The following CCNB3 variants were observed in gnomAD, a reference collection of about 807,000 sequenced individuals.
The protein encoded by CCNB3 is G2/mitotic-specific cyclin-B3.
CCNB3 carries 12 observed loss-of-function variants against 68.0 expected under a neutral mutation model. The observed-to-expected ratio is 0.18, with a 90% CI of 0.11 to 0.29. The LOEUF is 0.29. CCNB3 is among the 10% of genes least tolerant of loss of function. CCNB3 has a pLI of 1.00. For synonymous variants in CCNB3, 354 were observed against 388.9 expected (o/e 0.91, Z 1.06); for missense variants, 904 against 993.1 (o/e 0.91, Z 1.21).
chrX:50,331,306 G>A (rs1016623899), intron 8 of CCNB3, among the ~76,000 whole-genome samples: 3 of 110,598 alleles, frequency 2.7e-5, no homozygotes, highest in Admixed American at 9.6e-5. Flanking sequence ...GTCCAGTCCC[G>A]GTGGGACTCC....
At chrX:50,326,471 G>A (rs1922302016) in intron 8 of CCNB3, among the ~76,000 whole-genome samples, 1 of 111,340 alleles carries the variant, frequency 9.0e-6, no homozygotes, top group Non-Finnish European at 1.9e-5. Flanking sequence ...CTCTTCGTGT[G>A]TGTATGTGTG....
At chrX:50,322,089 C>A (rs1602234457) in intron 8 of CCNB3, among the ~76,000 whole-genome samples, 2 of 76,317 alleles carry the variant, frequency 2.6e-5, no homozygotes, top group Admixed American at 1.8e-4. Flanking sequence ...TCATATGGAA[C>A]CAAAAAAAGA....
intron 9 of CCNB3, 113 bp downstream of exon 9, chrX:50,342,452 C>T: frequency 1.3e-6 from 1 of 743,090 alleles, no homozygotes; most frequent in Non-Finnish European, 1.9e-6. Context: ...ATGTTTTGGT[C>T]AATGATGGAC....
intron 1 of CCNB3, among the ~76,000 whole-genome samples, chrX:50,219,398 T>C (rs1190461897): frequency 9.0e-6 from 1 of 111,552 alleles, no homozygotes; most frequent in Non-Finnish European, 1.9e-5. Flanking sequence ...GTTTTTATGG[T>C]TTTAGGTCTT....
chrX:50,319,975 A>G (rs905726764), intron 8 of CCNB3, among the ~76,000 whole-genome samples: 11 of 110,407 alleles, frequency 1.0e-4, no homozygotes, highest in Admixed American at 4.8e-4. Context: ...TTGTCCTGGT[A>G]TATTTTTCTT....
intron 1 of CCNB3, among the ~76,000 whole-genome samples, chrX:50,280,298 A>T (rs1030404019): frequency 0.084 from 8,391 of 100,020 alleles, 477 homozygotes; most frequent in Admixed American, 0.22. Context: ...GAATATAGAT[A>T]TAAATATATA....
chrX:50,286,532 T>G (rs1936238212), intron 3 of CCNB3, among the ~76,000 whole-genome samples: 2 of 109,965 alleles, frequency 1.8e-5, no homozygotes, highest in Admixed American at 1.9e-4. Flanking sequence ...ACTCCTGACC[T>G]CGTGATCCAC....
chrX:50,287,830 A>G (rs190185678), intron 3 of CCNB3, among the ~76,000 whole-genome samples: 11 of 110,914 alleles, frequency 9.9e-5, no homozygotes, highest in Non-Finnish European at 1.7e-4. Flanking sequence ...ACTGTACAGC[A>G]GGAGGTGAGC....
At chrX:50,279,036 A>G (rs1301165425) in intron 1 of CCNB3, among the ~76,000 whole-genome samples, 11 of 58,155 alleles carry the variant, frequency 1.9e-4, no homozygotes, top group African/African-American at 6.8e-4. Context: ...ATATTTATAG[A>G]ATATAGATAT....
At chrX:50,226,800 T>C (rs1249436619) in intron 1 of CCNB3, among the ~76,000 whole-genome samples, 2 of 77,458 alleles carry the variant, frequency 2.6e-5, no homozygotes, top group Non-Finnish European at 4.6e-5. Context: ...ACATAGAATA[T>C]ATATATAGAG....
chrX:50,341,952 A>G (rs1253161344), intron 8 of CCNB3: 1 of 318,690 alleles, frequency 3.1e-6, no homozygotes, highest in Non-Finnish European at 5.5e-6. Context: ...TAGAGAAGGC[A>G]GAGCATTTCT....
chrX:50,339,328 T>C (rs1923007496), intron 8 of CCNB3, among the ~76,000 whole-genome samples: 1 of 112,188 alleles, frequency 8.9e-6, no homozygotes, highest in African/African-American at 3.2e-5. Context: ...CATAGGTAGA[T>C]AAGAGACAAA....
intron 8 of CCNB3, among the ~76,000 whole-genome samples, chrX:50,329,715 C>T (rs1922495132): frequency 8.9e-6 from 1 of 112,458 alleles, no homozygotes; most frequent in Non-Finnish European, 1.9e-5. Context: ...TCTCTCTAGC[C>T]AGTGGTTGTT....
intron 1 of CCNB3, among the ~76,000 whole-genome samples, chrX:50,279,435 T>TATATATATAAATATATAAATATATATAA: frequency 1.3e-5 from 1 of 74,795 alleles, no homozygotes; most frequent in East Asian, 3.6e-4. Context: ...TATATATAAA[T>TATATATATAAATATATAAATATATATAA]ATATATATAA....
intron 8 of CCNB3, among the ~76,000 whole-genome samples, chrX:50,318,681 A>T (rs1557216181): frequency 8.9e-6 from 1 of 111,994 alleles, no homozygotes; most frequent in Non-Finnish European, 1.9e-5. Flanking sequence ...AATAGGCCTG[A>T]TACTGCTATC....
chrX:50,305,819 G>A (rs1482797210), intron 5 of CCNB3, among the ~76,000 whole-genome samples: 5 of 86,001 alleles, frequency 5.8e-5, no homozygotes, highest in African/African-American at 2.3e-4. Context: ...CTCTGCCACC[G>A]AGGCTGGAGT....
In CCNB3 at chrX:50,347,650, C is replaced by G; in HGVS notation, c.3835C>G (p.Leu1279Val). 8.3e-7 allele frequency: 1 copy of G among 1,210,377 alleles called. No homozygotes were observed. Among genetic ancestry groups the G allele is most frequent in the Non-Finnish European group, 1.1e-6 (1 of 895,014 alleles). ...ARCIHTNMKT[L>V]TLSRYICEMT... Reference sequence around the variant, plus strand: ...GTGTATCCACACCAACATGAAGACACTGACCTTGTCCCGCTACATCTGCGA... The same window carrying G: ...GTGTATCCACACCAACATGAAGACAGTGACCTTGTCCCGCTACATCTGCGA... The change falls in exon 11 of 13, where the codon CTG (leucine) becomes GTG (valine). Residue 1279 changes from leucine to valine, a missense_variant. Physicochemically the swap from Leu to Val is conservative, Grantham distance 32. Around this residue, in one of 2 missense-constraint regions of CCNB3, gnomAD observed 285 missense variants for 383.4 expected, o/e 0.74. Transcript: ENST00000376042.
chrX:50,224,414 G>C (rs1935722163), intron 1 of CCNB3, among the ~76,000 whole-genome samples: 1 of 111,558 alleles, frequency 9.0e-6, no homozygotes, highest in South Asian at 3.7e-4. Flanking sequence ...TCTTTCCTCA[G>C]TGTCCTCTCT....
chrX:50,322,888 A>G (rs2147077926), intron 8 of CCNB3, among the ~76,000 whole-genome samples: 1 of 111,447 alleles, frequency 9.0e-6, no homozygotes, highest in East Asian at 2.8e-4. Context: ...CACACCAGTT[A>G]GAATGGCGAT....
Sources: gnomAD v4.1 joint callset for allele counts (sites outside exome capture counted in the v4.1 genomes callset) on GRCh38, gnomAD v4.1.1 for gene constraint, gnomAD v4.1.1 regional missense constraint, MANE v1.5 for transcripts, NCBI Gene and HGNC (gene_info 2026-07-23, HGNC 2026-07-21) for gene names.